Variants in ZNF385B observed in about 807,000 individuals in gnomAD.
The protein encoded by ZNF385B is zinc finger protein 385B.
A neutral mutation model predicts 39.2 loss-of-function variants in ZNF385B; 23 were observed. That is an observed-to-expected ratio of 0.59 (90% CI 0.42 to 0.83). The LOEUF is 0.83. Ranked by LOEUF, ZNF385B falls within the 40% of genes least tolerant of loss-of-function variation. The probability of loss-of-function intolerance (pLI) is 0.00; values close to 1 mark genes in which losing one functional copy is unlikely to be tolerated. For synonymous variants in ZNF385B, 205 were observed against 222.6 expected (o/e 0.92, Z 0.70); for missense variants, 552 against 598.9 (o/e 0.92, Z 0.82).
chr2:179,550,182 AT>A lies in ZNF385B; in HGVS notation c.299-5214del, dbSNP rs1297461760. ...AAAGTCTAAAGTAAGGTATAGACTA[AT>A]TGTACTTAAAGCTGAATGATAAACA... On this transcript the variant is annotated intron_variant, in intron 3 of 9. Transcript: ENST00000410066. Among the ~76,000 whole-genome samples the A allele has an allele frequency of 2.0e-5, 3 of 149,600 alleles. 1 individual carries two copies. Among genetic ancestry groups the A allele is most frequent in the Non-Finnish European group, 4.4e-5 (3 of 67,678 alleles).
At chr2:179,534,271 A>T (rs1234492038) in intron 4 of ZNF385B, among the ~76,000 whole-genome samples, 1 of 152,202 alleles carries the variant, frequency 6.6e-6, no homozygotes, top group African/African-American at 2.4e-5. Flanking sequence ...AGTGATAAAT[A>T]TAAAACTTGG....
intron 1 of ZNF385B, among the ~76,000 whole-genome samples, chr2:179,801,535 A>G (rs896656276): frequency 6.6e-6 from 1 of 152,168 alleles, no homozygotes; most frequent in East Asian, 1.9e-4. Flanking sequence ...TTTCAATTAC[A>G]TAACTTCTAG....
At chr2:179,644,983 A>G (rs1476548950) in intron 3 of ZNF385B, among the ~76,000 whole-genome samples, 3 of 152,244 alleles carry the variant, frequency 2.0e-5, no homozygotes, top group Non-Finnish European at 4.4e-5. Flanking sequence ...TATACATACT[A>G]TAATTTCCCA....
chr2:179,860,078 T>C (rs1191320646), intron 1 of ZNF385B, among the ~76,000 whole-genome samples: 1 of 152,244 alleles, frequency 6.6e-6, no homozygotes, highest in East Asian at 1.9e-4. Flanking sequence ...AAATGTTTTG[T>C]TCCTTCTATA....
At chr2:179,740,958 T>C (rs1209677536) in intron 3 of ZNF385B, among the ~76,000 whole-genome samples, 2 of 152,142 alleles carry the variant, frequency 1.3e-5, no homozygotes, top group South Asian at 2.1e-4. Context: ...ATTTGTCCAC[T>C]AGGGCAATAG....
At chr2:179,700,777 G>T (rs761679205) in intron 3 of ZNF385B, among the ~76,000 whole-genome samples, 4 of 152,170 alleles carry the variant, frequency 2.6e-5, no homozygotes, top group African/African-American at 4.8e-5. Context: ...GCTTTGGAAG[G>T]CTGAGGCAGG....
chr2:179,783,767 T>C (rs1430852867), intron 1 of ZNF385B, among the ~76,000 whole-genome samples: 5 of 151,710 alleles, frequency 3.3e-5, no homozygotes, highest in African/African-American at 1.2e-4. Flanking sequence ...CCAATCAAAA[T>C]GAGATACCAT....
intron 3 of ZNF385B, among the ~76,000 whole-genome samples, chr2:179,551,707 A>G (rs2060578833): frequency 6.6e-6 from 1 of 152,066 alleles, no homozygotes; most frequent in African/African-American, 2.4e-5. Context: ...GGTGTGACTC[A>G]CTTCTCTTGA....
chr2:179,797,954 T>C (rs940674492), intron 1 of ZNF385B, among the ~76,000 whole-genome samples: 4 of 152,268 alleles, frequency 2.6e-5, no homozygotes, highest in Admixed American at 2.0e-4. Flanking sequence ...CTGTCATCAA[T>C]TCTTGATTAT....
intron 1 of ZNF385B, among the ~76,000 whole-genome samples, chr2:179,819,682 A>G (rs757541809): frequency 3.9e-5 from 6 of 152,192 alleles, no homozygotes; most frequent in Admixed American, 6.5e-5. Context: ...TCAGTCTGTC[A>G]TAGTCACTAT....
chr2:179,803,683 T>G (rs1706173835), intron 1 of ZNF385B, among the ~76,000 whole-genome samples: 1 of 152,114 alleles, frequency 6.6e-6, no homozygotes, highest in Non-Finnish European at 1.5e-5. Context: ...CAAATATCAG[T>G]AGCATTTACT....
intron 5 of ZNF385B, among the ~76,000 whole-genome samples, chr2:179,512,130 A>G (rs2057732323): frequency 6.6e-6 from 1 of 152,162 alleles, no homozygotes; most frequent in South Asian, 2.1e-4. Flanking sequence ...CTTAGAGTAT[A>G]TAAAACTTGA....
At chr2:179,679,176 C>G (rs763153073) in intron 3 of ZNF385B, among the ~76,000 whole-genome samples, 1 of 152,058 alleles carries the variant, frequency 6.6e-6, no homozygotes, top group Non-Finnish European at 1.5e-5. Context: ...AATGACAGAT[C>G]CCATTTTAAA....
chr2:179,788,460 T>C (rs1330596657), intron 1 of ZNF385B, among the ~76,000 whole-genome samples: 1 of 152,100 alleles, frequency 6.6e-6, no homozygotes, highest in African/African-American at 2.4e-5. Flanking sequence ...AAAATAGCAA[T>C]TCCTGAGGCT....
chr2:179,669,955 T>C (rs1039528474), intron 3 of ZNF385B, among the ~76,000 whole-genome samples: 1 of 152,054 alleles, frequency 6.6e-6, no homozygotes, highest in Non-Finnish European at 1.5e-5. Context: ...AGCAACCAGC[T>C]CTCTGGAGGT....
intron 1 of ZNF385B, among the ~76,000 whole-genome samples, chr2:179,856,115 G>A (rs1327290782): frequency 1.3e-5 from 2 of 152,152 alleles, no homozygotes; most frequent in Non-Finnish European, 2.9e-5. Flanking sequence ...TTTTTCTAAA[G>A]TTCCTGAAGT....
At chr2:179,859,435 T>C (rs1684865399) in intron 1 of ZNF385B, among the ~76,000 whole-genome samples, 1 of 152,184 alleles carries the variant, frequency 6.6e-6, no homozygotes, top group Admixed American at 6.5e-5. Flanking sequence ...TGTAAAATAA[T>C]ATACTGCAAA....
intron 3 of ZNF385B, among the ~76,000 whole-genome samples, chr2:179,756,153 G>A (rs1703000180): frequency 6.6e-6 from 1 of 151,870 alleles, no homozygotes; most frequent in Non-Finnish European, 1.5e-5. Flanking sequence ...CTTCCTTCAG[G>A]AGCTCTTTTA....
intron 3 of ZNF385B, among the ~76,000 whole-genome samples, chr2:179,659,805 C>G (rs1396077716): frequency 2.0e-5 from 3 of 152,094 alleles, no homozygotes; most frequent in African/African-American, 7.2e-5. Context: ...ACTGATTAAA[C>G]CCAAAAATGT....
Sources: gnomAD v4.1 joint callset for allele counts (sites outside exome capture counted in the v4.1 genomes callset) on GRCh38, gnomAD v4.1.1 for gene constraint, MANE v1.5 for transcripts, NCBI Gene and HGNC (gene_info 2026-07-23, HGNC 2026-07-21) for gene names.